Variants in KLHL13 observed in about 807,000 individuals in gnomAD.
KLHL13 encodes kelch-like protein 13.
KLHL13 carries 10 observed loss-of-function variants against 37.1 expected under a neutral mutation model. The observed-to-expected ratio is 0.27, with a 90% CI of 0.17 to 0.46. The LOEUF (loss-of-function observed/expected upper bound fraction) is 0.46, where lower values mean the gene tolerates loss of function less well. KLHL13 is among the 20% of genes least tolerant of loss of function. KLHL13 has a pLI of 1.00. For missense variants in KLHL13, 360 were observed against 509.3 expected (o/e 0.71, Z 2.82); for synonymous variants, 163 against 181.2 (o/e 0.90, Z 0.81).
At chrX:117,918,893 A>C (rs1931528298) in intron 4 of KLHL13, among the ~76,000 whole-genome samples, 1 of 112,300 alleles carries the variant, frequency 8.9e-6, no homozygotes, top group African/African-American at 3.2e-5. Context: ...ATTCAATTAC[A>C]TTTAAGAAGC....
chrX:117,974,956 G>T (rs2053579270), upstream of KLHL13, among the ~76,000 whole-genome samples: 1 of 111,626 alleles, frequency 9.0e-6, no homozygotes, highest in Non-Finnish European at 1.9e-5. Flanking sequence ...CAGACTCACA[G>T]AAATTGTCAA....
At chrX:117,930,318 CAGGA>C (rs1307585951) in intron 2 of KLHL13, among the ~76,000 whole-genome samples, 52 of 100,306 alleles carry the variant, frequency 5.2e-4, no homozygotes, top group African/African-American at 1.8e-3. Flanking sequence ...GGCAGGCAGG[CAGGA>C]AGGCAGGAAG....
At chrX:118,095,637 G>A (rs1602720234) in intron 1 of KLHL13, among the ~76,000 whole-genome samples, 1 of 111,569 alleles carries the variant, frequency 9.0e-6, no homozygotes. Context: ...CCACATAGTT[G>A]GAAGTAAAGC....
chrX:118,028,480 T>G, intron 1 of KLHL13: 1 of 1,095,164 alleles, frequency 9.1e-7, no homozygotes, highest in Non-Finnish European at 1.2e-6. Context: ...CCATCACCTC[T>G]AAAAGTTGGA....
intron 4 of KLHL13, among the ~76,000 whole-genome samples, chrX:117,919,282 C>T (rs1467442522): frequency 8.9e-6 from 1 of 112,267 alleles, no homozygotes; most frequent in Non-Finnish European, 1.9e-5. Flanking sequence ...CCTCGGCCTC[C>T]CAAAGTGCTG....
chrX:117,898,613 C>T, exon 7 of KLHL13: 1 of 245,775 alleles, frequency 4.1e-6, no homozygotes, highest in Non-Finnish European at 7.2e-6. Flanking sequence ...TACCTTACAC[C>T]CAATACACAG....
intron 1 of KLHL13, among the ~76,000 whole-genome samples, chrX:118,062,464 T>C (rs1287529108): frequency 9.1e-6 from 1 of 110,346 alleles, no homozygotes; most frequent in Non-Finnish European, 1.9e-5. Flanking sequence ...TTACTTCTCA[T>C]AAACCTGAAC....
chrX:117,910,091 A>T, exon 5 of KLHL13: 1 of 1,157,108 alleles, frequency 8.6e-7, no homozygotes, highest in Non-Finnish European at 1.1e-6. Context: ...AGTTGTCTAA[A>T]GTGACCTATT....
At chrX:118,105,892 CTTTTT>C (rs754130371) in intron 1 of KLHL13, among the ~76,000 whole-genome samples, 2 of 67,073 alleles carry the variant, frequency 3.0e-5, no homozygotes, top group African/African-American at 7.1e-5. Flanking sequence ...GTCTAAACAG[CTTTTT>C]TTTTTTTTTT....
intron 1 of KLHL13, among the ~76,000 whole-genome samples, chrX:118,053,690 A>G (rs1345054831): frequency 9.1e-6 from 1 of 109,454 alleles, no homozygotes; most frequent in Non-Finnish European, 1.9e-5. Context: ...TCCTGTGAGC[A>G]AATATTTCAA....
intron 2 of KLHL13, among the ~76,000 whole-genome samples, chrX:117,929,831 G>A (rs1250354561): frequency 4.7e-5 from 5 of 105,315 alleles, no homozygotes; most frequent in African/African-American, 1.7e-4. Flanking sequence ...CGAGTGTGGT[G>A]GCACACACAT....
At chrX:118,086,852 A>G (rs2055059727) in intron 1 of KLHL13, among the ~76,000 whole-genome samples, 1 of 111,706 alleles carries the variant, frequency 9.0e-6, no homozygotes, top group Non-Finnish European at 1.9e-5. Flanking sequence ...TGAAATATGT[A>G]GATTGAAATT....
intron 1 of KLHL13, among the ~76,000 whole-genome samples, chrX:118,115,942 T>C (rs1172198464): frequency 2.7e-5 from 3 of 112,351 alleles, no homozygotes; most frequent in Non-Finnish European, 5.6e-5. Flanking sequence ...ATTAGTCAAC[T>C]GTAATTAAAC....
intron 5 of KLHL13, among the ~76,000 whole-genome samples, chrX:117,905,338 T>C (rs1166250288): frequency 8.9e-6 from 1 of 112,239 alleles, no homozygotes; most frequent in Admixed American, 9.5e-5. Flanking sequence ...ATTTCTTATA[T>C]GACACAATTT....
intron 1 of KLHL13, among the ~76,000 whole-genome samples, chrX:117,986,449 A>G (rs1449118077): frequency 9.0e-6 from 1 of 111,640 alleles, no homozygotes; most frequent in Non-Finnish European, 1.9e-5. Context: ...ACGCCAGAAA[A>G]CAGGTTTGGA....
chrX:117,903,576 A>G (rs1270270942), intron 5 of KLHL13, among the ~76,000 whole-genome samples: 1 of 110,895 alleles, frequency 9.0e-6, no homozygotes, highest in Non-Finnish European at 1.9e-5. Flanking sequence ...TGCCTTTGGC[A>G]TGACTTTTAC....
chrX:117,965,582 T>A (rs915106467), intron 1 of KLHL13, among the ~76,000 whole-genome samples: 8 of 110,719 alleles, frequency 7.2e-5, no homozygotes, highest in Non-Finnish European at 1.1e-4. Flanking sequence ...GATACCAAAG[T>A]CCGGCAGAGA....
intron 1 of KLHL13, among the ~76,000 whole-genome samples, chrX:118,021,247 TTTA>T (rs2054206132): frequency 9.2e-6 from 1 of 108,120 alleles, no homozygotes; most frequent in South Asian, 4.4e-4. Flanking sequence ...CTCCTTTTTT[TTTA>T]TTATTATACT....
In KLHL13 at chrX:117,953,108, A is replaced by T. The variant is rs774816110; in HGVS notation, c.99-7533T>A. 8.4e-3 allele frequency among the ~76,000 whole-genome samples: 932 copies of T among 110,472 alleles called. 12 individuals are homozygous for T. Among genetic ancestry groups the T allele is most frequent in the African/African-American group, 0.029 (874 of 30,310 alleles). The stretch of plus-strand genomic sequence containing the variant: ...CTGCTATAAAGACACATGCACACGT[A>T]TGTTTATTGCGGCACTATTCACAAT... On this transcript the variant is annotated intron_variant, in intron 1 of 6. Transcript: ENST00000262820.
Sources: allele counts gnomAD v4.1 joint callset (sites outside exome capture counted in the v4.1 genomes callset), GRCh38; gene constraint gnomAD v4.1.1; transcripts MANE v1.5; gene names NCBI Gene and HGNC (gene_info 2026-07-23, HGNC 2026-07-21).